Variants in SDK1 observed in about 807,000 individuals in gnomAD.
The protein encoded by SDK1 is sidekick cell adhesion molecule 1, also known as protein sidekick-1.
Under a neutral mutation model 245.5 loss-of-function variants are expected in SDK1, and 157 were observed. The ratio of observed to expected loss-of-function variants is 0.64; its 90% confidence interval spans 0.56 to 0.73. The LOEUF is 0.73. Ranked by LOEUF, SDK1 falls within the 30% of genes least tolerant of loss-of-function variation. The pLI is 0.00. For missense variants in SDK1, 3,583 were observed against 3,002.3 expected, an observed-to-expected ratio of 1.19 and a Z score of -4.52; for synonymous variants, 1,647 against 1,278.5, an observed-to-expected ratio of 1.29 and a Z score of -6.15.
intron 4 of SDK1, among the ~76,000 whole-genome samples, chr7:3,705,052 T>C (rs1392856067): frequency 6.6e-6 from 1 of 152,236 alleles, no homozygotes; most frequent in Admixed American, 6.5e-5. Context: ...TCTATGTGTC[T>C]ACTTTTGTAT....
Position 3,577,367 on chromosome 7 carries a change from C to T in SDK1, c.299-41713C>T, listed in dbSNP as rs114843898. 2.8e-3 allele frequency among the ~76,000 whole-genome samples: 426 copies of T among 152,182 alleles called. 3 individuals are homozygous for T. The highest frequency in any genetic ancestry group is 9.7e-3 in the African/African-American group (403 of 41,556). On this transcript the variant is annotated intron_variant, in intron 1 of 44. Transcript: ENST00000404826. Reference sequence around the variant, plus strand: ...GATAGGTATCCAGGCCAAGGTTTTACGGCCTGAGCGTCATAGCATCAGAGT... The same window carrying T: ...GATAGGTATCCAGGCCAAGGTTTTATGGCCTGAGCGTCATAGCATCAGAGT...
At chr7:3,776,140 T>C (rs1780553384) in intron 4 of SDK1, among the ~76,000 whole-genome samples, 1 of 152,244 alleles carries the variant, frequency 6.6e-6, no homozygotes, top group Non-Finnish European at 1.5e-5. Flanking sequence ...AGTAACTATC[T>C]GTTGAATGAA....
Position 3,301,869 on chromosome 7 carries a change from C to G in SDK1, c.283C>G (p.Arg95Gly). Residue 95 changes from arginine (R) to glycine (G), a missense_variant, in exon 1 of 45, where the codon CGG becomes GGG. Coordinates refer to ENST00000404826, the MANE Select transcript of SDK1 (RefSeq NM_152744.4). ...GCTGGCGCTGCAGCTGCACTTGCTC[C>G]GGGCGCTGGCGCAAGGTAGGTGCGC... ...ALLALQLHLLRALAQDDVAPY... is the reference protein window; with the variant it reads ...ALLALQLHLLGALAQDDVAPY... 1 of 1,135,922 alleles carries G rather than the reference C, an allele frequency of 8.8e-7. No homozygotes were observed. Among genetic ancestry groups the G allele is most frequent in the Non-Finnish European group, 1.1e-6 (1 of 927,196 alleles). The allele number at this position is 1,135,922 out of a possible 1,614,324, so 70.4% of individuals were successfully genotyped here.
At chr7:4,050,668 A>C (rs1789382590) in intron 18 of SDK1, among the ~76,000 whole-genome samples, 1 of 152,076 alleles carries the variant, frequency 6.6e-6, no homozygotes, top group Admixed American at 6.6e-5. Flanking sequence ...CAGTCTCCTA[A>C]AATCCTTTTT....
At position 3,953,395 on chromosome 7, in the gene SDK1, A is replaced by G. The variant is rs115273742; in HGVS notation, c.1150+1475A>G. Among the ~76,000 whole-genome samples the G allele has an allele frequency of 5.1e-3, 777 of 152,258 alleles. 8 individuals carry two copies. The highest frequency in any genetic ancestry group is 0.017 in the African/African-American group (706 of 41,544). On this transcript the variant is annotated intron_variant, in intron 7 of 44. Transcript: ENST00000404826. ...CAAGGAAGCCGGCTTTGAGTCACCA[A>G]TCACTGTTGATTCTACATGAGAGGC...
At chr7:3,778,089 A>T (rs1056009557) in intron 4 of SDK1, among the ~76,000 whole-genome samples, 1 of 152,174 alleles carries the variant, frequency 6.6e-6, no homozygotes, top group African/African-American at 2.4e-5. Flanking sequence ...TTTTTTGCCC[A>T]TAAAAATCAA....
intron 4 of SDK1, among the ~76,000 whole-genome samples, chr7:3,646,916 C>G (rs1380994716): frequency 6.6e-6 from 1 of 152,116 alleles, no homozygotes; most frequent in Non-Finnish European, 1.5e-5. Flanking sequence ...TTCATAGAGA[C>G]AGAAAGCAGA....
chr7:3,862,905 G>A (rs1303087841), intron 5 of SDK1, among the ~76,000 whole-genome samples: 1 of 152,184 alleles, frequency 6.6e-6, no homozygotes. Context: ...TCCCTGGCAT[G>A]CACAGTTCAC....
intron 22 of SDK1, among the ~76,000 whole-genome samples, chr7:4,086,124 C>T (rs1433429852): frequency 3.9e-5 from 6 of 152,216 alleles, no homozygotes; most frequent in South Asian, 2.1e-4. Context: ...TGGCATATTG[C>T]GCCTTGCTGT....
In SDK1 at chr7:3,610,208, G is replaced by C. The variant is rs190574349; in HGVS notation, c.299-8872G>C. Among the ~76,000 whole-genome samples, 27 of 152,310 alleles carry C rather than the reference G, an allele frequency of 1.8e-4. No homozygotes were observed. The East Asian group carries it at 3.7e-3, about 21-fold the overall frequency. ...CCATGTGGATATCTGTTACATCTCA[G>C]TTTTTATGGCAGTACATATTTGCCG... On this transcript the variant is annotated intron_variant, in intron 1 of 44. Transcript: ENST00000404826.
intron 1 of SDK1, among the ~76,000 whole-genome samples, chr7:3,463,048 C>T (rs1312448564): frequency 6.6e-6 from 1 of 152,136 alleles, no homozygotes; most frequent in Non-Finnish European, 1.5e-5. Flanking sequence ...TTGTTCCCTC[C>T]TGCTATGGGG....
chr7:3,443,172 G>T (rs17133368), intron 1 of SDK1, among the ~76,000 whole-genome samples: 2 of 151,626 alleles, frequency 1.3e-5, no homozygotes, highest in African/African-American at 2.4e-5. Context: ...GCAATGCAGA[G>T]AATATTTAAT....
At chr7:3,347,962 T>G (rs777246953) in intron 1 of SDK1, among the ~76,000 whole-genome samples, 1 of 152,100 alleles carries the variant, frequency 6.6e-6, no homozygotes, top group Non-Finnish European at 1.5e-5. Context: ...GTGTAAGTAT[T>G]TTGCTTCCTA....
intron 35 of SDK1, among the ~76,000 whole-genome samples, chr7:4,191,096 G>A (rs376593154): frequency 1.3e-5 from 2 of 152,166 alleles, no homozygotes; most frequent in South Asian, 2.1e-4. Context: ...TTATGTATGC[G>A]GGAAAAATCA....
chr7:3,625,792 A>G (rs1782097540), intron 2 of SDK1, among the ~76,000 whole-genome samples: 3 of 152,164 alleles, frequency 2.0e-5, no homozygotes, highest in Admixed American at 2.0e-4. Flanking sequence ...TCCCCAGGAC[A>G]GGAAGCAAGA....
At chr7:4,216,133 C>T (rs1421653376) in intron 38 of SDK1, among the ~76,000 whole-genome samples, 1 of 152,198 alleles carries the variant, frequency 6.6e-6, no homozygotes, top group African/African-American at 2.4e-5. Context: ...CCTCCTGAGG[C>T]TGGGGAAGGG....
chr7:4,095,544 CTTTA>C (rs1170031338), intron 22 of SDK1, among the ~76,000 whole-genome samples: 3 of 151,980 alleles, frequency 2.0e-5, no homozygotes, highest in Admixed American at 6.6e-5. Context: ...CAAGTTGCTC[CTTTA>C]TTTATTTATT....
At chr7:3,692,612 A>T (rs950220007) in intron 4 of SDK1, among the ~76,000 whole-genome samples, 3 of 152,150 alleles carry the variant, frequency 2.0e-5, no homozygotes, top group Non-Finnish European at 1.5e-5. Context: ...ATAAAAATAT[A>T]AACTCTTGGC....
At chr7:3,809,467 G>A (rs370068026) in intron 4 of SDK1, among the ~76,000 whole-genome samples, 66 of 152,260 alleles carry the variant, frequency 4.3e-4, no homozygotes, top group African/African-American at 1.4e-3. Flanking sequence ...CTTAGCCATC[G>A]CAGGTGCTCC....
Sources: gnomAD v4.1 joint callset for allele counts (sites outside exome capture counted in the v4.1 genomes callset) on GRCh38, gnomAD v4.1.1 for gene constraint, MANE v1.5 for transcripts, NCBI Gene and HGNC (gene_info 2026-07-23, HGNC 2026-07-21) for gene names.